Variants in PPARGC1A observed in about 807,000 individuals in gnomAD.
The protein encoded by PPARGC1A is peroxisome proliferator-activated receptor gamma coactivator 1-alpha.
Under a neutral mutation model 88.7 loss-of-function variants are expected in PPARGC1A, and 25 were observed. The observed-to-expected ratio is 0.28, with a 90% CI of 0.21 to 0.39. PPARGC1A has a LOEUF of 0.39. Ranked by LOEUF, PPARGC1A falls within the 10% of genes least tolerant of loss-of-function variation. The probability of loss-of-function intolerance (pLI) is 1.00; values close to 1 mark genes in which losing one functional copy is unlikely to be tolerated. For missense variants in PPARGC1A, 880 were observed against 968.7 expected, an observed-to-expected ratio of 0.91 and a Z score of 1.22; for synonymous variants, 363 against 355.6, an observed-to-expected ratio of 1.02 and a Z score of -0.24.
At chr4:24,249,055 T>C in the PPARGC1A span, among the ~76,000 whole-genome samples, 1 of 152,182 alleles carries the variant, frequency 6.6e-6, no homozygotes, top group Admixed American at 6.5e-5. Context: ...CATTTTATAA[T>C]ACAGTCCAAT....
chr4:23,903,803 G>C (rs573388451), upstream of PPARGC1A, among the ~76,000 whole-genome samples: 11 of 151,846 alleles, frequency 7.2e-5, no homozygotes, highest in Admixed American at 2.6e-4. Flanking sequence ...CAAACGAACA[G>C]CTTTAAAAAA....
intron 2 of PPARGC1A, among the ~76,000 whole-genome samples, chr4:23,840,636 A>G (rs1215256473): frequency 1.3e-5 from 2 of 152,086 alleles, no homozygotes; most frequent in Non-Finnish European, 2.9e-5. Context: ...TATCTTCTTC[A>G]TGAACTATCT....
the PPARGC1A span, among the ~76,000 whole-genome samples, chr4:24,194,544 T>C: frequency 1.3e-4 from 20 of 152,070 alleles, no homozygotes; most frequent in Admixed American, 5.9e-4. Flanking sequence ...CCTTGCAGTT[T>C]TGTCATTGAA....
At chr4:24,122,436 T>TATAGAG in the PPARGC1A span, among the ~76,000 whole-genome samples, 50 of 124,312 alleles carry the variant, frequency 4.0e-4, no homozygotes, top group Non-Finnish European at 6.6e-4. Flanking sequence ...TATATATATA[T>TATAGAG]AGAGAGAGAG....
intron 1 of PPARGC1A, among the ~76,000 whole-genome samples, chr4:23,888,110 T>C (rs1044342180): frequency 8.5e-5 from 13 of 152,360 alleles, no homozygotes; most frequent in African/African-American, 3.1e-4. Flanking sequence ...CGCTACCTGC[T>C]GCTCGTAATA....
the PPARGC1A span, among the ~76,000 whole-genome samples, chr4:24,154,554 C>A: frequency 6.6e-6 from 1 of 152,156 alleles, no homozygotes; most frequent in Non-Finnish European, 1.5e-5. Flanking sequence ...GCTAGCCAAC[C>A]CAATTTAAGA....
chr4:24,089,671 C>T, the PPARGC1A span, among the ~76,000 whole-genome samples: 7 of 151,984 alleles, frequency 4.6e-5, no homozygotes, highest in Admixed American at 2.0e-4. Flanking sequence ...CCGCCACGCC[C>T]GGCTAATTTT....
chr4:24,340,479 CTATT>C, the PPARGC1A span, among the ~76,000 whole-genome samples: 1 of 151,932 alleles, frequency 6.6e-6, no homozygotes, highest in Non-Finnish European at 1.5e-5. Context: ...GTATAGTACT[CTATT>C]TAATTATCTT....
the PPARGC1A span, among the ~76,000 whole-genome samples, chr4:24,387,908 AAGAAAGAAAGAAAGAAAGAAAGAAAG>A: frequency 0.024 from 243 of 9,932 alleles, 5 homozygotes; most frequent in East Asian, 0.071. Context: ...AAGAAAGAGA[AAGAAAGAAAGAAAGAAAGAAAGAAAG>A]AGAAAGAAAG....
chr4:24,081,304 G>C, the PPARGC1A span, among the ~76,000 whole-genome samples: 1 of 152,082 alleles, frequency 6.6e-6, no homozygotes, highest in Non-Finnish European at 1.5e-5. Context: ...GCAAAAGGTG[G>C]GGTTAAGGTG....
chr4:23,862,886 C>G (rs1038511273), intron 2 of PPARGC1A, among the ~76,000 whole-genome samples: 2 of 152,202 alleles, frequency 1.3e-5, no homozygotes, highest in Admixed American at 1.3e-4. Flanking sequence ...CACTCCATGA[C>G]TTCTCCAGAG....
At chr4:24,402,119 A>G in the PPARGC1A span, among the ~76,000 whole-genome samples, 1 of 152,212 alleles carries the variant, frequency 6.6e-6, no homozygotes, top group Non-Finnish European at 1.5e-5. Flanking sequence ...TTGAGGTGGC[A>G]GCAGAATACA....
At chr4:24,425,418 T>C in the PPARGC1A span, among the ~76,000 whole-genome samples, 1 of 152,354 alleles carries the variant, frequency 6.6e-6, no homozygotes, top group East Asian at 1.9e-4. Context: ...ACCCAGGGTA[T>C]AATTTATCCA....
the PPARGC1A span, among the ~76,000 whole-genome samples, chr4:24,042,491 C>T: frequency 6.6e-6 from 1 of 152,208 alleles, no homozygotes; most frequent in South Asian, 2.1e-4. Context: ...TTAAAGTGTA[C>T]TGCATAATCC....
At chr4:24,314,773 T>G in the PPARGC1A span, among the ~76,000 whole-genome samples, 1 of 152,200 alleles carries the variant, frequency 6.6e-6, no homozygotes, top group East Asian at 1.9e-4. Context: ...AAGCTTAACT[T>G]TATTAAGTTG....
chr4:24,268,115 G>A, the PPARGC1A span, among the ~76,000 whole-genome samples: 6 of 152,168 alleles, frequency 3.9e-5, no homozygotes, highest in Non-Finnish European at 5.9e-5. Context: ...ATCTTGACAT[G>A]TACATGGCAT....
chr4:23,984,498 T>A, the PPARGC1A span, among the ~76,000 whole-genome samples: 1 of 151,994 alleles, frequency 6.6e-6, no homozygotes, highest in South Asian at 2.1e-4. Context: ...ATATTGTAGA[T>A]CTCACTAAAA....
the PPARGC1A span, among the ~76,000 whole-genome samples, chr4:24,390,044 T>C: frequency 6.6e-6 from 1 of 152,084 alleles, no homozygotes; most frequent in Non-Finnish European, 1.5e-5. Flanking sequence ...TAATCATTAA[T>C]CAAGGCATGA....
the PPARGC1A span, among the ~76,000 whole-genome samples, chr4:23,991,487 C>T: frequency 4.6e-5 from 7 of 152,066 alleles, no homozygotes; most frequent in Non-Finnish European, 1.0e-4. Context: ...ACTCTGATTG[C>T]ATCAGGGGAG....
Sources: allele counts gnomAD v4.1 joint callset (sites outside exome capture counted in the v4.1 genomes callset), GRCh38; gene constraint gnomAD v4.1.1; transcripts MANE v1.5; gene names NCBI Gene and HGNC (gene_info 2026-07-23, HGNC 2026-07-21).